USP34: variants seen among roughly 807,000 people sequenced by gnomAD.
USP34 encodes ubiquitin carboxyl-terminal hydrolase 34.
USP34 carries 70 observed loss-of-function variants against 460.3 expected under a neutral mutation model. The observed-to-expected ratio is 0.15, with a 90% confidence interval of 0.13 to 0.19. The LOEUF (loss-of-function observed/expected upper bound fraction) is 0.19. Among genes scored for constraint, USP34 ranks in the 10% least tolerant of loss-of-function variants. The pLI, the probability that USP34 is intolerant of heterozygous loss-of-function variation, is 1.00. For synonymous variants in USP34, 1,647 were observed against 1,405.3 expected (o/e 1.17, Z -3.85); for missense variants, 3,985 against 4,236.2 (o/e 0.94, Z 1.65).
intron 1 of USP34, among the ~76,000 whole-genome samples, chr2:61,430,097 C>A (rs1178983284): frequency 6.6e-6 from 1 of 152,064 alleles, no homozygotes; most frequent in Non-Finnish European, 1.5e-5. Flanking sequence ...CACCTGTAGT[C>A]CCAGCTACTC....
At chr2:61,378,879 T>A (rs1456194764) in intron 7 of USP34, among the ~76,000 whole-genome samples, 1 of 114,680 alleles carries the variant, frequency 8.7e-6, no homozygotes, top group African/African-American at 3.4e-5. Context: ...CACTCCAGCC[T>A]GGGCGACAGA....
Position 61,337,040 on chromosome 2 carries a change from A to G in USP34, c.2744+2311T>C, listed in dbSNP as rs548848743. Among the ~76,000 whole-genome samples, 15 of 152,254 alleles carry G rather than the reference A, an allele frequency of 9.9e-5. No individual in the cohort carries two copies. The South Asian group carries it at 3.1e-3, about 32-fold the overall frequency. On this transcript the variant is annotated intron_variant, in intron 18 of 79. Coordinates refer to ENST00000398571, the MANE Select transcript of USP34 (RefSeq NM_014709.4). ...CTCTTTCTATTGAAGTATAATAAAC[A>G]TACATACAAAAGAGGGCACAGATCT...
rs546098139 is a variant in USP34 at position 61,322,707 on chromosome 2, C to T, written c.3013+2668G>A. ...GCAGTATCAGTCTAAAGAGTTTTAT[C>T]AGAAAAAAGTTATCCTATCAGTTTC... On this transcript the variant is annotated intron_variant, in intron 21 of 79. Coordinates refer to ENST00000398571, the MANE Select transcript of USP34 (RefSeq NM_014709.4). Among the ~76,000 whole-genome samples the T allele has an allele frequency of 3.3e-5, 5 of 152,134 alleles. No individual in the cohort carries two copies. The East Asian group carries it at 9.6e-4, about 29-fold the overall frequency.
intron 1 of USP34, among the ~76,000 whole-genome samples, chr2:61,428,028 G>A (rs1448376769): frequency 1.3e-5 from 2 of 152,050 alleles, no homozygotes; most frequent in South Asian, 2.1e-4. Context: ...AGCCGGGCAT[G>A]GTGGCGTGTG....
intron 21 of USP34, among the ~76,000 whole-genome samples, chr2:61,320,547 T>C (rs139422976): frequency 6.6e-6 from 1 of 150,640 alleles, no homozygotes; most frequent in African/African-American, 2.5e-5. Flanking sequence ...CTACTGTAGT[T>C]TATTTATATA....
Position 61,281,077 on chromosome 2 carries a change from A to C in USP34, c.5151+13T>G, listed in dbSNP as rs1243916526. On this transcript the variant is annotated intron_variant, in intron 38 of 79. Coordinates refer to ENST00000398571, the MANE Select transcript of USP34 (RefSeq NM_014709.4). ...AAAAATAGAAACTGCTTCTAAACACAGTAAAATCTTACCCTAATAGGTTTG... is the reference window on the plus strand; with the variant it reads ...AAAAATAGAAACTGCTTCTAAACACCGTAAAATCTTACCCTAATAGGTTTG... The C allele has an allele frequency of 6.2e-7, 1 of 1,612,004 alleles. No homozygotes were observed. The highest frequency in any genetic ancestry group is 8.5e-7 in the Non-Finnish European group (1 of 1,178,862).
At position 61,396,559 on chromosome 2, in the gene USP34, G is replaced by A. The variant is rs188240988; in HGVS notation, c.553-1326C>T. Among the ~76,000 whole-genome samples the A allele has an allele frequency of 3.4e-4, 52 of 151,478 alleles. 1 individual carries two copies. The East Asian group carries it at 9.5e-3, about 28-fold the overall frequency. The stretch of plus-strand genomic sequence containing the variant: ...GCTGGAGTGCAGGAGCATGATCTCG[G>A]ATCACTGCAAGCTCTGCCTCCTGGG... On this transcript the variant is annotated intron_variant, in intron 3 of 79. Transcript: ENST00000398571.
intron 75 of USP34, among the ~76,000 whole-genome samples, chr2:61,198,449 G>C (rs542087494): frequency 9.9e-5 from 15 of 151,928 alleles, no homozygotes; most frequent in South Asian, 8.3e-4. Flanking sequence ...CTGTATATTG[G>C]GAGGCCAAAT....
intron 76 of USP34, among the ~76,000 whole-genome samples, chr2:61,191,545 C>T (rs1686643042): frequency 6.6e-6 from 1 of 152,178 alleles, no homozygotes; most frequent in Non-Finnish European, 1.5e-5. Flanking sequence ...CCTTGGTCTA[C>T]CAGTCACAGC....
intron 33 of USP34, among the ~76,000 whole-genome samples, chr2:61,292,058 A>G (rs1689870804): frequency 6.6e-6 from 1 of 152,180 alleles, no homozygotes; most frequent in African/African-American, 2.4e-5. Flanking sequence ...GCCTAGGGCT[A>G]AAGCGTTTAG....
At chr2:61,325,603 A>G in intron 20 of USP34, 146 bp from the exon 21 acceptor site, 2 of 449,998 alleles carry the variant, frequency 4.4e-6, no homozygotes, top group Non-Finnish European at 7.6e-6. Flanking sequence ...TACACGAAAG[A>G]AGTTCATAAA....
chr2:61,392,913 T>C (rs1054126931), intron 5 of USP34, among the ~76,000 whole-genome samples: 5 of 152,174 alleles, frequency 3.3e-5, no homozygotes, highest in Non-Finnish European at 4.4e-5. Flanking sequence ...TCTCAGAGAA[T>C]GCCAAAGTAC....
At chr2:61,387,928 TAC>T (rs36116916) in intron 5 of USP34, among the ~76,000 whole-genome samples, 23,187 of 142,546 alleles carry the variant, frequency 0.16, 2,194 homozygotes, top group African/African-American at 0.25. Flanking sequence ...AATATATTTA[TAC>T]ACACACACAC....
In USP34 at chr2:61,446,589, A is replaced by G. The variant is rs1460713798; in HGVS notation, c.43+24061T>C. ...GGCGGGCAGATCACTTAAAGTCAGG[A>G]GCTCGAGACCAGCCTGGCCAACATG... On this transcript the variant is annotated intron_variant, in intron 1 of 79. Coordinates refer to ENST00000398571, the MANE Select transcript of USP34 (RefSeq NM_014709.4). 3.3e-5 allele frequency among the ~76,000 whole-genome samples: 5 copies of G among 152,074 alleles called. 1 individual carries two copies. The highest frequency in any genetic ancestry group is 1.9e-4 in the East Asian group (1 of 5,188).
chr2:61,339,212 T>G, intron 18 of USP34, 139 bp downstream of exon 18: 2 of 840,854 alleles, frequency 2.4e-6, no homozygotes, highest in South Asian at 3.3e-5. Context: ...AAATTTCATA[T>G]GAAAACTATA....
intron 1 of USP34, among the ~76,000 whole-genome samples, chr2:61,460,925 G>A (rs1558608584): frequency 6.8e-6 from 1 of 148,096 alleles, no homozygotes. Context: ...GGAGGTCCAG[G>A]AAGCCAAGAT....
chr2:61,362,809 T>C (rs1248082759), intron 10 of USP34, among the ~76,000 whole-genome samples: 1 of 152,230 alleles, frequency 6.6e-6, no homozygotes, highest in Non-Finnish European at 1.5e-5. Context: ...AGCTTGACTG[T>C]AGTGATTATT....
intron 1 of USP34, among the ~76,000 whole-genome samples, chr2:61,455,932 G>A (rs1448004909): frequency 2.0e-5 from 3 of 152,076 alleles, no homozygotes. Flanking sequence ...ATAAATGACA[G>A]GAGCAAGATT....
chr2:61,382,735 CTTT>C (rs767042103), intron 6 of USP34, among the ~76,000 whole-genome samples: 1 of 152,124 alleles, frequency 6.6e-6, no homozygotes, highest in Non-Finnish European at 1.5e-5. Flanking sequence ...CTTAGGCTTC[CTTT>C]TTAAGTTGAG....
Sources: allele counts gnomAD v4.1 joint callset (sites outside exome capture counted in the v4.1 genomes callset), GRCh38; gene constraint gnomAD v4.1.1; transcripts MANE v1.5; gene names NCBI Gene and HGNC (gene_info 2026-07-23, HGNC 2026-07-21).